ADGRL2: variants seen among roughly 807,000 people sequenced by gnomAD.
ADGRL2 encodes adhesion G protein-coupled receptor L2.
A neutral mutation model predicts 157.4 loss-of-function variants in ADGRL2; 44 were observed. The ratio of observed to expected loss-of-function variants is 0.28; its 90% CI spans 0.22 to 0.36. ADGRL2 has a LOEUF of 0.36. Among genes scored for constraint, ADGRL2 ranks in the 10% least tolerant of loss-of-function variants. ADGRL2 has a pLI of 1.00. For synonymous variants in ADGRL2, 585 were observed against 624.7 expected, an observed-to-expected ratio of 0.94 and a Z score of 0.95; for missense variants, 1,510 against 1,768.9, an observed-to-expected ratio of 0.85 and a Z score of 2.63.
chr1:81,793,260 T>A (rs2087434646), intron 2 of ADGRL2, among the ~76,000 whole-genome samples: 1 of 149,940 alleles, frequency 6.7e-6, no homozygotes. Flanking sequence ...CCAAGAAACA[T>A]GCTCTAACTT....
intron 1 of ADGRL2, among the ~76,000 whole-genome samples, chr1:81,319,342 C>T (rs1660342913): frequency 6.6e-6 from 1 of 152,180 alleles, no homozygotes; most frequent in Non-Finnish European, 1.5e-5. Flanking sequence ...TATCCAACAA[C>T]ATTTTTCCTA....
intron 2 of ADGRL2, among the ~76,000 whole-genome samples, chr1:81,780,899 G>C (rs2086785841): frequency 6.6e-6 from 1 of 152,080 alleles, no homozygotes; most frequent in Admixed American, 6.5e-5. Flanking sequence ...CTAAGACCAG[G>C]GTGGTAATCC....
At chr1:81,760,233 C>T (rs1174717969) in intron 1 of ADGRL2, among the ~76,000 whole-genome samples, 1 of 152,008 alleles carries the variant, frequency 6.6e-6, no homozygotes, top group Non-Finnish European at 1.5e-5. Context: ...AATTTGACTA[C>T]ACAGTTTGGC....
chr1:81,464,976 C>CA (rs1303590712), intron 2 of ADGRL2, among the ~76,000 whole-genome samples: 2 of 149,930 alleles, frequency 1.3e-5, no homozygotes, highest in Non-Finnish European at 3.0e-5. Flanking sequence ...GAATACTTGA[C>CA]AAAGTGTAGG....
chr1:81,844,982 T>G (rs966499237), intron 2 of ADGRL2, among the ~76,000 whole-genome samples: 1 of 152,172 alleles, frequency 6.6e-6, no homozygotes. Context: ...GATAAAACTT[T>G]TAGAAGGTTC....
In ADGRL2 at chr1:81,394,762, T is replaced by C. The variant is rs115139064; in HGVS notation, c.-301-50274T>C. Among the ~76,000 whole-genome samples, 200 of 152,278 alleles carry C rather than the reference T, an allele frequency of 1.3e-3. 1 individual carries two copies. The highest frequency in any genetic ancestry group is 4.5e-3 in the African/African-American group (185 of 41,564). ...GTGCCAGATCATATGGTATCTCTAG[T>C]TGAATTTTTTTCAGGAAACTTCATG... is the stretch of plus-strand genomic sequence containing the variant. On this transcript the variant is annotated intron_variant, in intron 1 of 24. Coordinates refer to the ADGRL2 transcript ENST00000370721.
At chr1:81,852,813 C>G (rs1338419197) in intron 2 of ADGRL2, among the ~76,000 whole-genome samples, 1 of 151,924 alleles carries the variant, frequency 6.6e-6, no homozygotes, top group Admixed American at 6.6e-5. Context: ...CTGAGAAGTA[C>G]TGTACTATGT....
rs369953676 is a variant in ADGRL2 at position 81,849,783 on chromosome 1, G to A, written c.73+12726G>A. Among the ~76,000 whole-genome samples, 12 of 151,974 alleles carry A rather than the reference G, an allele frequency of 7.9e-5. No homozygotes were observed. In the East Asian group the frequency reaches 1.5e-3, roughly 20 times the overall value. On this transcript the variant is annotated intron_variant, in intron 2 of 23. Transcript: ENST00000686636. ...TGAGGACAAATTTGTCACAGTGGAT[G>A]GACACCTTCCTAAGTAATGTTTATT...
intron 1 of ADGRL2, among the ~76,000 whole-genome samples, chr1:81,367,353 C>A (rs907948231): frequency 1.3e-5 from 2 of 152,164 alleles, no homozygotes; most frequent in Admixed American, 6.5e-5. Flanking sequence ...ATTAGCTGTT[C>A]TTCCTGATGC....
At chr1:81,399,928 T>C (rs1039817089) in intron 1 of ADGRL2, among the ~76,000 whole-genome samples, 3 of 151,586 alleles carry the variant, frequency 2.0e-5, no homozygotes, top group African/African-American at 7.2e-5. Flanking sequence ...CCACACTTTC[T>C]ACAGCAGCTT....
chr1:81,651,766 CT>C (rs2082425124), intron 3 of ADGRL2, among the ~76,000 whole-genome samples: 1 of 152,124 alleles, frequency 6.6e-6, no homozygotes, highest in Admixed American at 6.5e-5. Context: ...CAGGATCTTG[CT>C]CATCACTCAG....
intron 2 of ADGRL2, among the ~76,000 whole-genome samples, chr1:81,470,373 CCTG>C (rs2078146069): frequency 6.6e-6 from 1 of 152,146 alleles, no homozygotes; most frequent in South Asian, 2.1e-4. Context: ...CCCCGGTGCT[CCTG>C]CTCACCATTT....
chr1:81,525,335 T>C (rs1398690428), intron 2 of ADGRL2, among the ~76,000 whole-genome samples: 5 of 152,096 alleles, frequency 3.3e-5, no homozygotes, highest in Admixed American at 6.6e-5. Context: ...TTTTTTTTTT[T>C]TGGAGACAGT....
At chr1:81,399,646 C>A (rs2076717254) in intron 1 of ADGRL2, among the ~76,000 whole-genome samples, 1 of 152,102 alleles carries the variant, frequency 6.6e-6, no homozygotes, top group South Asian at 2.1e-4. Flanking sequence ...CTTTTAATAT[C>A]TATCTCCTTG....
intron 2 of ADGRL2, among the ~76,000 whole-genome samples, chr1:81,469,120 C>G (rs1395930149): frequency 1.3e-5 from 2 of 152,194 alleles, no homozygotes; most frequent in African/African-American, 4.8e-5. Context: ...ATTGGAATCA[C>G]CTGAGAATCT....
intron 1 of ADGRL2, among the ~76,000 whole-genome samples, chr1:81,755,772 C>T (rs2085667212): frequency 6.7e-6 from 1 of 148,300 alleles, no homozygotes; most frequent in African/African-American, 2.5e-5. Context: ...GTGCAGTTTT[C>T]ATCATGCTGT....
intron 1 of ADGRL2, among the ~76,000 whole-genome samples, chr1:81,742,570 G>C (rs915213825): frequency 6.6e-6 from 1 of 151,710 alleles, no homozygotes; most frequent in African/African-American, 2.4e-5. Context: ...CCTTCTTTTG[G>C]CATCATGTGA....
At chr1:81,439,138 C>T (rs2077461984) in intron 1 of ADGRL2, among the ~76,000 whole-genome samples, 2 of 152,158 alleles carry the variant, frequency 1.3e-5, no homozygotes, top group South Asian at 2.1e-4. Flanking sequence ...CTCTTTCATC[C>T]ATGTTTCTCA....
In ADGRL2 at chr1:81,376,177, C is replaced by A. The variant is rs542045165; in HGVS notation, c.-301-68859C>A. Among the ~76,000 whole-genome samples, 30 of 152,268 alleles carry A rather than the reference C, an allele frequency of 2.0e-4. No homozygotes were observed. The South Asian group carries it at 6.0e-3, about 31-fold the overall frequency. ...AACTTTGAAAAAAATCTTATTTGTT[C>A]AATTCAAAACTGTAAAATCCAAAGC... On this transcript the variant is annotated intron_variant, in intron 1 of 24. Transcript: ENST00000370721.
Sources: allele counts gnomAD v4.1 joint callset (sites outside exome capture counted in the v4.1 genomes callset), GRCh38; gene constraint gnomAD v4.1.1; transcripts MANE v1.5; gene names NCBI Gene and HGNC (gene_info 2026-07-23, HGNC 2026-07-21).